DNAH17: variants seen among roughly 807,000 people sequenced by gnomAD.
DNAH17 encodes axonemal beta dynein heavy chain 17.
DNAH17 carries 376 observed loss-of-function variants against 485.6 expected under a neutral mutation model. The ratio of observed to expected loss-of-function variants is 0.77; its 90% CI spans 0.71 to 0.84. DNAH17 has a LOEUF of 0.84. DNAH17 is among the 40% of genes least tolerant of loss of function. The pLI, the probability that DNAH17 is intolerant of heterozygous loss-of-function variation, is 0.00. For missense variants in DNAH17, 6,370 were observed against 5,839.3 expected, an observed-to-expected ratio of 1.09 and a Z score of -2.96; for synonymous variants, 3,031 against 2,405.9, an observed-to-expected ratio of 1.26 and a Z score of -7.60.
chr17:78,488,891 G>T (rs2089728286), intron 44 of DNAH17, among the ~76,000 whole-genome samples: 1 of 152,102 alleles, frequency 6.6e-6, no homozygotes, highest in Admixed American at 6.5e-5. Context: ...ACCGCCGAGA[G>T]CCCCCAGGAG....
At chr17:78,441,802 C>T (rs1032727092) in intron 71 of DNAH17, among the ~76,000 whole-genome samples, 1 of 152,128 alleles carries the variant, frequency 6.6e-6, no homozygotes, top group East Asian at 1.9e-4. Context: ...GATTAGTAAA[C>T]TTGCCAGTGT....
intron 31 of DNAH17, 114 bp downstream of exon 31, chr17:78,505,179 C>T (rs2090446961): frequency 7.2e-7 from 1 of 1,390,164 alleles, no homozygotes; most frequent in Non-Finnish European, 9.8e-7. Flanking sequence ...CAGGGGCGGG[C>T]TGGCAGCTGC....
At chr17:78,522,320 C>A in intron 25 of DNAH17, 1 of 278,012 alleles carries the variant, frequency 3.6e-6, no homozygotes, top group Non-Finnish European at 7.2e-6. Flanking sequence ...AACCAGGACC[C>A]TCAGTATGAG....
intron 16 of DNAH17, among the ~76,000 whole-genome samples, chr17:78,548,970 G>A (rs545091455): frequency 2.6e-5 from 4 of 152,256 alleles, no homozygotes; most frequent in Non-Finnish European, 5.9e-5. Context: ...TGCAGCTTCA[G>A]AATGGACGTG....
Position 78,475,327 on chromosome 17 carries a change from T to C in DNAH17, c.8462A>G (p.Asp2821Gly), listed in dbSNP as rs760127476. 6.2e-7 allele frequency: 1 copy of C among 1,613,956 alleles called. No individual in the cohort carries two copies. Among genetic ancestry groups the C allele is most frequent in the East Asian group, 2.2e-5 (1 of 44,886 alleles). ...SRLAAYISGLDVFQITLKKGY... is the reference protein window; with the variant it reads ...SRLAAYISGLGVFQITLKKGY... Reference sequence around the variant, plus strand: ...CTTCTTGAGGGTGATCTGAAACACGTCAAGCCCGCTGATGTACGCTGCCAG... The same window carrying C: ...CTTCTTGAGGGTGATCTGAAACACGCCAAGCCCGCTGATGTACGCTGCCAG... Residue 2821 changes from aspartate (D) to glycine (G), a missense_variant, in exon 54 of 81, where the codon GAC (aspartate) becomes GGC (glycine). Transcript: ENST00000389840.
chr17:78,554,512 TAAGA>T (rs1211329160), intron 14 of DNAH17, among the ~76,000 whole-genome samples: 9 of 142,058 alleles, frequency 6.3e-5, no homozygotes, highest in Non-Finnish European at 1.4e-4. Flanking sequence ...TGCCCTACTC[TAAGA>T]AATTAATTTA....
At chr17:78,559,846 T>C (rs55836228) in intron 13 of DNAH17, among the ~76,000 whole-genome samples, 60,674 of 151,806 alleles carry the variant, frequency 0.4, 12,418 homozygotes, top group East Asian at 0.48. Flanking sequence ...TTGCTGCTCC[T>C]GGACTGCACC....
At chr17:78,530,301 G>A in intron 21 of DNAH17, 42 bp downstream of exon 21, 1 of 1,560,108 alleles carries the variant, frequency 6.4e-7, no homozygotes. Context: ...CTGGTGCTCT[G>A]CACATTCCTT....
Position 78,486,437 on chromosome 17 carries a change from G to A in DNAH17, c.6888C>T (p.Asp2296=). 2 of 1,613,710 alleles carry A rather than the reference G, an allele frequency of 1.2e-6. No homozygotes were observed. The highest frequency in any genetic ancestry group is 1.6e-4 in the Middle Eastern group (1 of 6,062). The part of the protein sequence containing the change: ...SEKANLMILF[D]KYLPTCLDKL... ...TGTCCAGGCACGTGGGCAGGTACTT[G>A]TCAAAGAGGATCATCAGGTTGGCCT... is the stretch of plus-strand genomic sequence containing the variant. Residue 2296 remains aspartate (D), a synonymous_variant, in exon 45 of 81, where the codon GAC becomes GAT. Transcript: ENST00000389840.
intron 6 of DNAH17, 98 bp from the exon 7 acceptor site, chr17:78,570,470 C>CCA: frequency 6.9e-7 from 1 of 1,440,804 alleles, no homozygotes; most frequent in South Asian, 1.4e-5. Flanking sequence ...CACTGGGTAT[C>CCA]CAGCAGAGGG....
rs2146436504 is a variant in DNAH17 at position 78,434,043 on chromosome 17, C to T, written c.12211G>A (p.Glu4071Lys). Residue 4071 changes from glutamate (E) to lysine (K), a missense_variant, in exon 75 of 81, where the codon GAG (glutamate) becomes AAG (lysine). Coordinates refer to ENST00000389840, the MANE Select transcript of DNAH17 (RefSeq NM_173628.4). ...ISINVLYNYLEANPKVPWDDL... is the reference protein window; with the variant it reads ...ISINVLYNYLKANPKVPWDDL... ...CAGCCCCTCACCTTGGGGTTGGCCT[C>T]CAGGTAGTTGTAGAGCACGTTGATG... The T allele has an allele frequency of 6.2e-7, 1 of 1,608,516 alleles. No homozygotes were observed.
intron 74 of DNAH17, among the ~76,000 whole-genome samples, chr17:78,437,416 C>CA (rs1251640297): frequency 6.6e-6 from 1 of 152,252 alleles, no homozygotes; most frequent in Non-Finnish European, 1.5e-5. Context: ...TCTGCATCTA[C>CA]AGCTTTAAGT....
chr17:78,424,544 C>T (rs2086328011), intron 80 of DNAH17: 1 of 178,510 alleles, frequency 5.6e-6, no homozygotes, highest in Non-Finnish European at 1.2e-5. Flanking sequence ...TATAATTATA[C>T]ATCTGTGCAT....
chr17:78,552,213 C>T (rs907529234), intron 15 of DNAH17, among the ~76,000 whole-genome samples: 3 of 152,214 alleles, frequency 2.0e-5, no homozygotes, highest in Non-Finnish European at 2.9e-5. Context: ...TAAAGGGTTC[C>T]ACCTCTGGGA....
Position 78,514,877 on chromosome 17 carries a change from T to C in DNAH17, c.4010A>G (p.Asp1337Gly), listed in dbSNP as rs772457894. 1.5e-5 allele frequency: 25 copies of C among 1,613,912 alleles called. No homozygotes were observed. The East Asian group carries it at 2.5e-4, about 16-fold the overall frequency. Residue 1337 changes from aspartate to glycine, a missense_variant, in exon 26 of 81, where the codon GAC becomes GGC. Asp to Gly is a moderately conservative substitution (Grantham distance 94, BLOSUM62 -1). Coordinates refer to ENST00000389840, the MANE Select transcript of DNAH17 (RefSeq NM_173628.4). ...CGTGATCACGTTTTTCACGGTGTTG[T>C]CGAGCCCCACGAAGGCATCCCAGGT... is the stretch of plus-strand genomic sequence containing the variant. ...MKTWDAFVGLDNTVKNVITSL... is the reference protein window; with the variant it reads ...MKTWDAFVGLGNTVKNVITSL...
intron 70 of DNAH17, 71 bp downstream of exon 70, chr17:78,445,487 T>C: frequency 6.6e-7 from 1 of 1,519,918 alleles, no homozygotes. Context: ...CTTGGAAACA[T>C]CCGCAGCATC....
In DNAH17 at chr17:78,457,093, G is replaced by A. The variant is rs117288852; in HGVS notation, c.9978-1257C>T. On this transcript the variant is annotated intron_variant, in intron 62 of 80. Transcript: ENST00000389840. ...CTGTGTTAAAAGGCATGAAGGGGCC[G>A]GGCGTGGTGGCTCACGCCTGTAATC... Among the ~76,000 whole-genome samples the A allele has an allele frequency of 8.8e-3, 1,343 of 152,360 alleles. 32 individuals carry two copies. In the East Asian group the frequency reaches 0.089, roughly 10 times the overall value.
intron 27 of DNAH17, among the ~76,000 whole-genome samples, chr17:78,509,802 G>A (rs2090583369): frequency 6.6e-6 from 1 of 152,170 alleles, no homozygotes; most frequent in Non-Finnish European, 1.5e-5. Flanking sequence ...AAGGAAATGC[G>A]AGTTCTGGTT....
At chr17:78,449,149 G>C (rs7223548) in intron 69 of DNAH17, among the ~76,000 whole-genome samples, 31,625 of 152,112 alleles carry the variant, frequency 0.21, 5,399 homozygotes, top group African/African-American at 0.47. Context: ...ATTTCCTTGT[G>C]AAATTCTCCT....
Sources: gnomAD v4.1 joint callset for allele counts (sites outside exome capture counted in the v4.1 genomes callset) on GRCh38, gnomAD v4.1.1 for gene constraint, MANE v1.5 for transcripts, NCBI Gene and HGNC (gene_info 2026-07-23, HGNC 2026-07-21) for gene names.